Variants in CHODL observed in about 807,000 individuals in gnomAD.
CHODL encodes chondrolectin, also known as transmembrane protein MT75.
In CHODL, 29 loss-of-function variants were observed where a neutral mutation model predicts 34.5. The observed-to-expected ratio is 0.84, with a 90% CI of 0.63 to 1.15. CHODL has a LOEUF of 1.15. Ranked by LOEUF, CHODL falls within the 50% of genes most tolerant of loss-of-function variation. CHODL has a pLI of 0.00. For synonymous variants in CHODL, 125 were observed against 116.1 expected, an observed-to-expected ratio of 1.08 and a Z score of -0.49; for missense variants, 332 against 332.5, an observed-to-expected ratio of 1.00 and a Z score of 0.01.
At chr21:18,086,280 T>G (rs2065006743) in intron 2 of CHODL, among the ~76,000 whole-genome samples, 1 of 152,074 alleles carries the variant, frequency 6.6e-6, no homozygotes, top group Non-Finnish European at 1.5e-5. Flanking sequence ...TTCTTTGTAT[T>G]GGTTTTCAGA....
chr21:17,942,218 T>C (rs1371690496), intron 1 of CHODL, among the ~76,000 whole-genome samples: 1 of 152,164 alleles, frequency 6.6e-6, no homozygotes, highest in Admixed American at 6.5e-5. Flanking sequence ...TGTTTAAACA[T>C]AGTATAATAT....
chr21:18,084,887 T>C (rs1159141502), intron 2 of CHODL, among the ~76,000 whole-genome samples: 1 of 151,636 alleles, frequency 6.6e-6, no homozygotes, highest in Admixed American at 6.6e-5. Context: ...CCACTATTAT[T>C]GTATTGCTAT....
At chr21:18,227,341 A>G (rs2073939973) in intron 2 of CHODL, among the ~76,000 whole-genome samples, 1 of 152,182 alleles carries the variant, frequency 6.6e-6, no homozygotes, top group Admixed American at 6.6e-5. Flanking sequence ...TAACATAAAT[A>G]GCTCTGCTAT....
chr21:18,264,601 CAA>C (rs564344974), intron 5 of CHODL, among the ~76,000 whole-genome samples: 2,115 of 68,746 alleles, frequency 0.031, 49 homozygotes, highest in African/African-American at 0.095. Flanking sequence ...GGGTCTGTCT[CAA>C]AAAAAAAAAA....
Position 18,128,656 on chromosome 21 carries a change from A to G in CHODL, c.-45+100685A>G, listed in dbSNP as rs554646135. Among the ~76,000 whole-genome samples, 200 of 152,300 alleles carry G rather than the reference A, an allele frequency of 1.3e-3. 1 individual carries two copies. Among genetic ancestry groups the G allele is most frequent in the African/African-American group, 4.2e-3 (176 of 41,580 alleles). ...ATGATCAATAAAATGTGTAATTTAC[A>G]TATCAGAATACATTCTGGAGCAAGG... On this transcript the variant is annotated intron_variant, in intron 2 of 6. Transcript: ENST00000400127.
At chr21:17,967,095 T>G (rs1440212232) in intron 1 of CHODL, among the ~76,000 whole-genome samples, 3 of 152,068 alleles carry the variant, frequency 2.0e-5, no homozygotes, top group Admixed American at 2.0e-4. Context: ...ATGTTGACCA[T>G]GCTAGTCTCG....
At chr21:18,049,123 A>C (rs1355227798) in intron 2 of CHODL, among the ~76,000 whole-genome samples, 1 of 151,668 alleles carries the variant, frequency 6.6e-6, no homozygotes, top group Non-Finnish European at 1.5e-5. Flanking sequence ...ATAAACAGAC[A>C]CAGTGTTTAA....
Position 18,235,856 on chromosome 21 carries a change from G to T in CHODL, c.-44-20653G>T, listed in dbSNP as rs182070988. Among the ~76,000 whole-genome samples the T allele has an allele frequency of 1.1e-4, 16 of 152,176 alleles. No homozygotes were observed. The East Asian group carries it at 2.9e-3, about 28-fold the overall frequency. ...TTCCTTTTTAATTCTTATAAATCCA[G>T]GGAGGAAAGGAAATTCTTATCATGT... On this transcript the variant is annotated intron_variant, in intron 2 of 6. Transcript: ENST00000400127.
intron 2 of CHODL, among the ~76,000 whole-genome samples, chr21:18,037,028 A>G (rs1337047136): frequency 6.6e-6 from 1 of 151,986 alleles, no homozygotes; most frequent in Non-Finnish European, 1.5e-5. Context: ...TAGTATGCCC[A>G]ATAAAGGTAT....
intron 1 of CHODL, among the ~76,000 whole-genome samples, chr21:18,013,359 C>T (rs1164526752): frequency 6.6e-6 from 1 of 151,624 alleles, no homozygotes; most frequent in Non-Finnish European, 1.5e-5. Flanking sequence ...AAAAGGAGGT[C>T]TAATGCTCAT....
At chr21:18,087,090 C>G (rs1424519745) in intron 2 of CHODL, among the ~76,000 whole-genome samples, 1 of 152,176 alleles carries the variant, frequency 6.6e-6, no homozygotes, top group African/African-American at 2.4e-5. Flanking sequence ...TTGGTCTTCC[C>G]TGTCGATCCC....
chr21:18,151,773 T>G (rs1288002011), intron 2 of CHODL, among the ~76,000 whole-genome samples: 4 of 152,190 alleles, frequency 2.6e-5, no homozygotes, highest in Admixed American at 6.5e-5. Context: ...ATTGCTTGCT[T>G]GGTATGTGGA....
At chr21:18,000,297 T>A (rs1300240457) in intron 1 of CHODL, among the ~76,000 whole-genome samples, 1 of 151,538 alleles carries the variant, frequency 6.6e-6, no homozygotes, top group Non-Finnish European at 1.5e-5. Context: ...ACTACAAAGG[T>A]GAGATTCCCT....
chr21:18,119,475 A>G (rs543610533), intron 2 of CHODL, among the ~76,000 whole-genome samples: 47 of 152,254 alleles, frequency 3.1e-4, no homozygotes, highest in Non-Finnish European at 5.3e-4. Flanking sequence ...AGAAACTCCA[A>G]TAAAGGGGTT....
chr21:18,106,499 TTC>T (rs1399937378), intron 2 of CHODL, among the ~76,000 whole-genome samples: 14 of 119,942 alleles, frequency 1.2e-4, no homozygotes, highest in African/African-American at 3.6e-4. Flanking sequence ...CTTTTTCTTT[TTC>T]TTTTTTTTTT....
chr21:18,174,153 A>ATG (rs1270870597), intron 2 of CHODL, among the ~76,000 whole-genome samples: 1 of 116,220 alleles, frequency 8.6e-6, no homozygotes, highest in African/African-American at 3.1e-5. Context: ...ATATATATAT[A>ATG]TATATATAAA....
chr21:18,142,381 A>G (rs1383666854), intron 2 of CHODL, among the ~76,000 whole-genome samples: 2 of 152,136 alleles, frequency 1.3e-5, no homozygotes, highest in East Asian at 1.9e-4. Flanking sequence ...TACTTATCCA[A>G]TTATTGGCTA....
At chr21:17,932,418 G>A (rs975065892) in intron 1 of CHODL, among the ~76,000 whole-genome samples, 3 of 152,170 alleles carry the variant, frequency 2.0e-5, no homozygotes, top group Non-Finnish European at 2.9e-5. Flanking sequence ...AGAACTGAAA[G>A]TAGGATCTAC....
chr21:18,092,031 A>T (rs1269178866), intron 2 of CHODL, among the ~76,000 whole-genome samples: 1 of 152,164 alleles, frequency 6.6e-6, no homozygotes, highest in African/African-American at 2.4e-5. Context: ...GGAAATTGCC[A>T]TCCTGAAGAG....
Sources: gnomAD v4.1 joint callset for allele counts (sites outside exome capture counted in the v4.1 genomes callset) on GRCh38, gnomAD v4.1.1 for gene constraint, MANE v1.5 for transcripts, NCBI Gene and HGNC (gene_info 2026-07-23, HGNC 2026-07-21) for gene names.